Variants in SELP observed in about 807,000 individuals in gnomAD.
SELP encodes selectin P.
A neutral mutation model predicts 104.1 loss-of-function variants in SELP; 92 were observed. That is an observed-to-expected ratio of 0.88 (90% confidence interval 0.75 to 1.05). The LOEUF is 1.05. Among genes scored for constraint, SELP ranks in the 50% least tolerant of loss-of-function variants. The pLI is 0.00. For synonymous variants in SELP, 397 were observed against 364.5 expected (o/e 1.09, Z -1.01); for missense variants, 1,022 against 1,017.3 (o/e 1.00, Z -0.06).
chr1:169,611,352 C>G, intron 7 of SELP, 140 bp downstream of exon 7: 2 of 784,058 alleles, frequency 2.6e-6, no homozygotes, highest in Non-Finnish European at 4.1e-6. Flanking sequence ...GATGAGAAAA[C>G]CATGGTTCCT....
At chr1:169,609,004 T>C (rs1250888193) in intron 8 of SELP, among the ~76,000 whole-genome samples, 2 of 152,160 alleles carry the variant, frequency 1.3e-5, no homozygotes, top group Non-Finnish European at 2.9e-5. Flanking sequence ...GTCATCATCA[T>C]CATTTTCCCT....
In SELP at chr1:169,594,810, G is replaced by A. The variant is rs774208816; in HGVS notation, c.2169C>T (p.Asn723=). 1 of 1,613,824 alleles carries A rather than the reference G, an allele frequency of 6.2e-7. No individual in the cohort carries two copies. The highest frequency in any genetic ancestry group is 8.5e-7 in the Non-Finnish European group (1 of 1,179,822). ...AAGAGCAGATTGATCCATAACTGAA[G>A]TTTCCCCAGAGGTTGGAGCAGTTCA... is the stretch of plus-strand genomic sequence containing the variant. The part of the protein sequence containing the change: ...IAMNCSNLWG[N]FSYGSICSFH... Residue 723 remains asparagine, a synonymous_variant, in exon 13 of 17, where the codon AAC becomes AAT. Coordinates refer to ENST00000263686, the MANE Select transcript of SELP (RefSeq NM_003005.4).
At chr1:169,616,238 T>C (rs369325735) in intron 3 of SELP, among the ~76,000 whole-genome samples, 2 of 152,352 alleles carry the variant, frequency 1.3e-5, no homozygotes, top group East Asian at 1.9e-4. Context: ...TCTAAAGATA[T>C]GTTGTTGTTG....
At chr1:169,602,759 G>A (rs113187742) in intron 10 of SELP, among the ~76,000 whole-genome samples, 79 of 152,230 alleles carry the variant, frequency 5.2e-4, no homozygotes, top group Middle Eastern at 6.8e-3. Flanking sequence ...CTACAGGCAT[G>A]CACCACCATG....
chr1:169,608,780 C>G (rs909261157), intron 8 of SELP, among the ~76,000 whole-genome samples: 1 of 152,066 alleles, frequency 6.6e-6, no homozygotes, highest in Admixed American at 6.6e-5. Context: ...TCAGAGGTCT[C>G]CGTAAATGAA....
chr1:169,609,746 A>T, intron 7 of SELP, 57 bp from the exon 8 acceptor site: 1 of 1,504,486 alleles, frequency 6.6e-7, no homozygotes, highest in South Asian at 1.3e-5. Flanking sequence ...GTTCTTCCTC[A>T]GAAAAAATTC....
Position 169,617,172 on chromosome 1 carries a change from C to G in SELP, c.337G>C (p.Glu113Gln). ...TCATTATCAGCCCAGTTCTCAGCCT[C>G]GTTGGTGAGAGCCTTTTTGGTTCCC... ...WVGTKKALTN[E>Q]AENWADNEPN... The change falls in exon 3 of 17, where the codon GAG becomes CAG. Residue 113 changes from glutamate (E) to glutamine (Q), a missense_variant. Transcript: ENST00000263686. 2 of 1,614,072 alleles carry G rather than the reference C, an allele frequency of 1.2e-6. No individual in the cohort carries two copies. The highest frequency in any genetic ancestry group is 1.7e-6 in the Non-Finnish European group (2 of 1,180,024).
chr1:169,629,201 T>G (rs1223961421), intron 1 of SELP, among the ~76,000 whole-genome samples: 1 of 152,236 alleles, frequency 6.6e-6, no homozygotes, highest in Non-Finnish European at 1.5e-5. Context: ...TAGCTATCCT[T>G]GGATCTTCCC....
intron 5 of SELP, 94 bp from the exon 6 acceptor site, chr1:169,612,496 C>A: frequency 2.5e-6 from 3 of 1,223,036 alleles, no homozygotes; most frequent in Non-Finnish European, 3.5e-6. Flanking sequence ...CACACCTTCC[C>A]AAAGTGGCAG....
Position 169,603,307 on chromosome 1 carries a change from C to CTCTGTGTGTG in SELP, c.1520-97_1520-96insCACACACAGA, listed in dbSNP as rs879181764. The CTCTGTGTGTG allele has an allele frequency of 3.5e-3, 2,126 of 605,118 alleles. 4 individuals are homozygous for CTCTGTGTGTG. The highest frequency in any genetic ancestry group is 5.6e-3 in the African/African-American group (256 of 45,756). The allele number at this position is 605,118 out of a possible 1,614,324, so 37.5% of individuals were successfully genotyped here. A position where few individuals can be genotyped will look rare whatever the true frequency, so the allele number is the denominator to read the frequency against. On this transcript the variant is annotated intron_variant, in intron 9 of 16. Coordinates refer to ENST00000263686, the MANE Select transcript of SELP (RefSeq NM_003005.4). ...TCTCTCTCTTTCTCCCTCTCTCTCT[C>CTCTGTGTGTG]TGTGTGTGTGTGTGTGTGTGTGTGT...
chr1:169,592,736 A>G (rs1219463114), intron 14 of SELP, among the ~76,000 whole-genome samples: 1 of 152,162 alleles, frequency 6.6e-6, no homozygotes, highest in African/African-American at 2.4e-5. Context: ...ATCCTGCATC[A>G]ACTTTACAAA....
intron 2 of SELP, 138 bp from the exon 3 acceptor site, chr1:169,617,552 A>G: frequency 1.1e-6 from 1 of 873,034 alleles, no homozygotes; most frequent in Non-Finnish European, 1.8e-6. Context: ...TTTATGTCTA[A>G]TGTAGTTGTT....
At chr1:169,612,480 A>G (rs963333532) in intron 5 of SELP, 78 bp from the exon 6 acceptor site, 1 of 1,411,250 alleles carries the variant, frequency 7.1e-7, no homozygotes, top group East Asian at 2.3e-5. Flanking sequence ...CAAATTCTGC[A>G]GCAGTCACAC....
rs1203407553 is a variant in SELP at position 169,613,567 on chromosome 1, A to G, written c.589+19T>C. The G allele has an allele frequency of 6.3e-7, 1 of 1,593,216 alleles. No individual in the cohort carries two copies. Among genetic ancestry groups the G allele is most frequent in the South Asian group, 1.1e-5 (1 of 90,708 alleles). On this transcript the variant is annotated intron_variant, in intron 4 of 16. Transcript: ENST00000263686. Reference sequence around the variant, plus strand: ...TCTAGCATAAAACCAAAATAATATCAACAAAAAGGAAGCCTCACCGTATTC... The same window carrying G: ...TCTAGCATAAAACCAAAATAATATCGACAAAAAGGAAGCCTCACCGTATTC...
chr1:169,619,082 C>T lies in SELP; in HGVS notation c.94+47G>A, dbSNP rs747836022. ...AATTTCTCACACATAGATCTGGGCT[C>T]TACCCTAATTACTTAGGCCTAAGTG... On this transcript the variant is annotated intron_variant, in intron 2 of 16. Transcript: ENST00000263686. 4.1e-6 allele frequency: 6 copies of T among 1,449,376 alleles called. No individual in the cohort carries two copies. In the Admixed American group the frequency reaches 8.5e-5, roughly 20 times the overall value. The allele number at this position is 1,449,376 out of a possible 1,614,324, so 89.8% of individuals were successfully genotyped here. A position where few individuals can be genotyped will look rare whatever the true frequency, so the allele number is the denominator to read the frequency against.
Position 169,617,083 on chromosome 1 carries a change from A to C in SELP, c.426T>G (p.Pro142=). ...VEIYIKSPSA[P]GKWNDEHCLK... Reference sequence around the variant, plus strand: ...AGCAGTGCTCATCATTCCACTTGCCAGGGGCTGACGGACTCTTGATGTATA... The same window carrying C: ...AGCAGTGCTCATCATTCCACTTGCCCGGGGCTGACGGACTCTTGATGTATA... The change falls in exon 3 of 17, where the codon CCT becomes CCG. Residue 142 remains proline (P), a synonymous_variant. Coordinates refer to ENST00000263686, the MANE Select transcript of SELP (RefSeq NM_003005.4). The C allele has an allele frequency of 6.2e-7, 1 of 1,613,824 alleles. No homozygotes were observed. Among genetic ancestry groups the C allele is most frequent in the Non-Finnish European group, 8.5e-7 (1 of 1,179,928 alleles).
chr1:169,596,340 G>A, intron 11 of SELP, among the ~76,000 whole-genome samples: 1 of 152,184 alleles, frequency 6.6e-6, no homozygotes, highest in Middle Eastern at 3.2e-3. Flanking sequence ...TCCTTGAGGA[G>A]ATGATTCTCC....
At chr1:169,589,599 T>A (rs1455606304) in intron 16 of SELP, 138 bp from the exon 17 acceptor site, 1 of 152,276 alleles carries the variant, frequency 6.6e-6, no homozygotes, top group African/African-American at 2.4e-5. Flanking sequence ...TAAATAATTA[T>A]CATTTCCTTA....
chr1:169,612,325 G>A lies in SELP; in HGVS notation c.853C>T (p.Gln285Ter). ...TCACAACTGAAGCTGCAGCTAGACT[G>A]ATGCTGGAATGCTTTTGCAGAATGA... Reference protein sequence around the residue: ...CLHSAKAFQHQSSCSFSCEEG... With the variant: ...CLHSAKAFQH Residue 285 changes from glutamine to a stop codon, truncating the protein, a stop_gained, in exon 6 of 17, where the codon CAG (glutamine) becomes TAG (stop). Coordinates refer to ENST00000263686, the MANE Select transcript of SELP (RefSeq NM_003005.4). LOFTEE classifies it high-confidence loss of function. 1.2e-6 allele frequency: 2 copies of A among 1,614,154 alleles called. No homozygotes were observed. Among genetic ancestry groups the A allele is most frequent in the Non-Finnish European group, 1.7e-6 (2 of 1,180,020 alleles).
Sources: gnomAD v4.1 joint callset for allele counts (sites outside exome capture counted in the v4.1 genomes callset) on GRCh38, gnomAD v4.1.1 for gene constraint, MANE v1.5 for transcripts, NCBI Gene and HGNC (gene_info 2026-07-23, HGNC 2026-07-21) for gene names.